The following CNGB3 variants were observed in gnomAD, a reference collection of about 807,000 sequenced individuals.
CNGB3 encodes cyclic nucleotide-gated channel beta-3.
Under a neutral mutation model 92.8 loss-of-function variants are expected in CNGB3, and 86 were observed. That is an observed-to-expected ratio of 0.93 (90% CI 0.78 to 1.11). The LOEUF (loss-of-function observed/expected upper bound fraction) is 1.11, where lower values mean the gene tolerates loss of function less well. Among genes scored for constraint, CNGB3 ranks in the 50% least tolerant of loss-of-function variants. The pLI, the probability that CNGB3 is intolerant of heterozygous loss-of-function variation, is 0.00. For synonymous variants in CNGB3, 333 were observed against 332.7 expected (o/e 1.00, Z -0.01); for missense variants, 1,026 against 956.8 (o/e 1.07, Z -0.95).
intron 15 of CNGB3, among the ~76,000 whole-genome samples, chr8:86,580,412 C>A (rs1299059469): frequency 6.6e-6 from 1 of 152,206 alleles, no homozygotes; most frequent in Non-Finnish European, 1.5e-5. Context: ...CCCACCTGGG[C>A]TCTGGCTGAT....
chr8:86,580,626 G>C (rs780878005), intron 15 of CNGB3, among the ~76,000 whole-genome samples: 13 of 152,182 alleles, frequency 8.5e-5, no homozygotes, highest in Non-Finnish European at 1.6e-4. Context: ...GGATATAAAA[G>C]AGCATTTTGC....
chr8:86,678,816 C>T (rs1002363812), intron 3 of CNGB3, among the ~76,000 whole-genome samples: 3 of 152,128 alleles, frequency 2.0e-5, no homozygotes, highest in African/African-American at 2.4e-5. Flanking sequence ...ACACACCTGC[C>T]TATATACACA....
chr8:86,689,252 T>C (rs1299790533), intron 3 of CNGB3, among the ~76,000 whole-genome samples: 1 of 151,918 alleles, frequency 6.6e-6, no homozygotes, highest in African/African-American at 2.4e-5. Flanking sequence ...TTGTGCTCTG[T>C]AGCCATTGGA....
chr8:86,716,767 C>G (rs941019059), intron 3 of CNGB3, among the ~76,000 whole-genome samples: 1 of 152,132 alleles, frequency 6.6e-6, no homozygotes, highest in African/African-American at 2.4e-5. Flanking sequence ...AATAGAACCT[C>G]CTTAAAGCAT....
At chr8:86,743,379 T>A in intron 1 of CNGB3, 120 bp downstream of exon 1, 1 of 1,063,508 alleles carries the variant, frequency 9.4e-7, no homozygotes, top group Non-Finnish European at 1.5e-6. Flanking sequence ...ACACAGTACA[T>A]GTACCAGATG....
chr8:86,627,513 C>G (rs1051789889), intron 12 of CNGB3, among the ~76,000 whole-genome samples: 4 of 152,088 alleles, frequency 2.6e-5, no homozygotes, highest in African/African-American at 9.7e-5. Context: ...CTCTTAGGAA[C>G]CTTTGTGATT....
At chr8:86,611,060 T>C (rs1283078704) in intron 14 of CNGB3, among the ~76,000 whole-genome samples, 1 of 152,198 alleles carries the variant, frequency 6.6e-6, no homozygotes, top group South Asian at 2.1e-4. Context: ...GGCCAAAATA[T>C]ATGAAGAGTG....
intron 3 of CNGB3, among the ~76,000 whole-genome samples, chr8:86,672,415 G>A (rs969450772): frequency 3.9e-5 from 6 of 152,112 alleles, no homozygotes; most frequent in Non-Finnish European, 8.8e-5. Context: ...CTTCCTTTCT[G>A]AGAAAATACA....
intron 6 of CNGB3, among the ~76,000 whole-genome samples, chr8:86,664,342 A>G (rs1004794687): frequency 6.6e-6 from 1 of 152,238 alleles, no homozygotes; most frequent in Non-Finnish European, 1.5e-5. Flanking sequence ...TATTAAGGAG[A>G]TTAAGCGACC....
chr8:86,670,915 TC>T lies in CNGB3; in HGVS notation c.493+28del, dbSNP rs779818499. 7.4e-6 allele frequency: 12 copies of T among 1,611,704 alleles called. No individual in the cohort carries two copies. The South Asian group carries it at 1.3e-4, about 18-fold the overall frequency. ...ACAGGTCCCCTCAGCACTTCTTTCT[TC>T]CCAGTACTTGGAGGGAGCAATGCTT... On this transcript the variant is annotated intron_variant, in intron 4 of 17. Coordinates refer to ENST00000320005, the MANE Select transcript of CNGB3 (RefSeq NM_019098.5).
chr8:86,619,728 C>CTTTTT lies in CNGB3; in HGVS notation c.1578+6250_1578+6254dup, dbSNP rs71275868. Among the ~76,000 whole-genome samples, 446 of 73,380 alleles carry CTTTTT rather than the reference C, an allele frequency of 6.1e-3. 13 individuals carry two copies. Among genetic ancestry groups the CTTTTT allele is most frequent in the Admixed American group, 9.9e-3 (45 of 4,534 alleles). The allele number at this position is 73,380 out of a possible 152,430, so 48.1% of individuals were successfully genotyped here. The stretch of plus-strand genomic sequence containing the variant: ...GCCAAAGGATTGCCTTGGTCTTGAC[C>CTTTTT]TTTTTTTTTTTTTTTTTTTTTTTGC... On this transcript the variant is annotated intron_variant, in intron 13 of 17. Coordinates refer to ENST00000320005, the MANE Select transcript of CNGB3 (RefSeq NM_019098.5).
chr8:86,652,509 C>T (rs142315124), intron 7 of CNGB3, among the ~76,000 whole-genome samples: 1 of 151,960 alleles, frequency 6.6e-6, no homozygotes, highest in Non-Finnish European at 1.5e-5. Flanking sequence ...GCTTAAAACA[C>T]TCATTGTGCA....
chr8:86,596,986 T>C (rs1585958620), intron 15 of CNGB3, among the ~76,000 whole-genome samples: 2 of 125,894 alleles, frequency 1.6e-5, no homozygotes, highest in African/African-American at 6.2e-5. Context: ...CGAGAACACA[T>C]GGAGACAGGG....
Position 86,644,490 on chromosome 8 carries a change from A to T in CNGB3, c.1055+132T>A, listed in dbSNP as rs565291101. On this transcript the variant is annotated intron_variant, in intron 9 of 17. Coordinates refer to ENST00000320005, the MANE Select transcript of CNGB3 (RefSeq NM_019098.5). ...CACATCTGTTCTAGAACATAGTCCTATATTTTATATAGCCAAAGCTGAAAT... is the reference window on the plus strand; with the variant it reads ...CACATCTGTTCTAGAACATAGTCCTTTATTTTATATAGCCAAAGCTGAAAT... 50 of 1,174,804 alleles carry T rather than the reference A, an allele frequency of 4.3e-5. No homozygotes were observed. The African/African-American group carries it at 7.1e-4, about 17-fold the overall frequency. The allele number at this position is 1,174,804 out of a possible 1,614,324, so 72.8% of individuals were successfully genotyped here.
chr8:86,649,200 C>T (rs1353130602), intron 7 of CNGB3, among the ~76,000 whole-genome samples: 1 of 151,544 alleles, frequency 6.6e-6, no homozygotes, highest in Non-Finnish European at 1.5e-5. Context: ...ACATCTCATG[C>T]TTATGGATTG....
chr8:86,650,042 A>G lies in CNGB3; in HGVS notation c.904-2155T>C, dbSNP rs139773919. 3.3e-3 allele frequency among the ~76,000 whole-genome samples: 496 copies of G among 151,672 alleles called. 1 individual carries two copies. Among genetic ancestry groups the G allele is most frequent in the African/African-American group, 0.011 (472 of 41,500 alleles). On this transcript the variant is annotated intron_variant, in intron 7 of 17. Transcript: ENST00000320005. The stretch of plus-strand genomic sequence containing the variant: ...TACAAATGGCCAAAAAACATGAAAA[A>G]AATGCCCCCCCGCCCAAATTGCATC...
chr8:86,718,122 A>G (rs1297255088), intron 3 of CNGB3, among the ~76,000 whole-genome samples: 1 of 152,168 alleles, frequency 6.6e-6, no homozygotes, highest in African/African-American at 2.4e-5. Context: ...AACAAGAAAA[A>G]AAACAACCCC....
intron 9 of CNGB3, 33 bp from the exon 10 acceptor site, chr8:86,643,906 ATGT>A (rs1440995428): frequency 6.3e-7 from 1 of 1,595,284 alleles, no homozygotes; most frequent in African/African-American, 1.3e-5. Flanking sequence ...AGTAAGATTC[ATGT>A]TGTTTCTGAA....
chr8:86,675,620 C>T (rs1823951556), intron 3 of CNGB3, among the ~76,000 whole-genome samples: 1 of 151,524 alleles, frequency 6.6e-6, no homozygotes, highest in Non-Finnish European at 1.5e-5. Context: ...TGCTTTGTTG[C>T]CCAGGCTGGT....
Sources: gnomAD v4.1 joint callset for allele counts (sites outside exome capture counted in the v4.1 genomes callset) on GRCh38, gnomAD v4.1.1 for gene constraint, MANE v1.5 for transcripts, NCBI Gene and HGNC (gene_info 2026-07-23, HGNC 2026-07-21) for gene names.